Variants in SMC5 observed in about 807,000 individuals in gnomAD.
SMC5 encodes the protein structural maintenance of chromosomes protein 5.
In SMC5, 88 loss-of-function variants were observed where a neutral mutation model predicts 148.3. The ratio of observed to expected loss-of-function variants is 0.59; its 90% CI spans 0.50 to 0.71. The LOEUF (loss-of-function observed/expected upper bound fraction) is 0.71. Ranked by LOEUF, SMC5 falls within the 30% of genes least tolerant of loss-of-function variation. The pLI, the probability that SMC5 is intolerant of heterozygous loss-of-function variation, is 0.00. For missense variants in SMC5, 1,142 were observed against 1,298.9 expected, an observed-to-expected ratio of 0.88 and a Z score of 1.86; for synonymous variants, 421 against 432.8, an observed-to-expected ratio of 0.97 and a Z score of 0.34.
At chr9:70,329,727 T>G (rs1432704061) in intron 17 of SMC5, among the ~76,000 whole-genome samples, 5 of 152,210 alleles carry the variant, frequency 3.3e-5, no homozygotes, top group Non-Finnish European at 7.3e-5. Context: ...TTTTCAGTTA[T>G]CTTTATAGCA....
intron 15 of SMC5, among the ~76,000 whole-genome samples, chr9:70,322,892 C>T (rs911536516): frequency 6.6e-6 from 1 of 152,080 alleles, no homozygotes; most frequent in Non-Finnish European, 1.5e-5. Context: ...TTTAATTAAA[C>T]ACTACTCTCC....
chr9:70,267,401 T>C (rs2034318735), intron 2 of SMC5, among the ~76,000 whole-genome samples: 2 of 152,176 alleles, frequency 1.3e-5, no homozygotes, highest in African/African-American at 4.8e-5. Context: ...ATTATATTGC[T>C]CCTTTTAGAA....
rs1564026579 is a variant in SMC5, at chr9:70,278,557, G to T, written c.610G>T (p.Gly204Cys). ...ELLEATEKSI[G>C]PPEMHKYHCE... ...CCTCGAAGCCACTGAAAAGTCAATT[G>T]GTCCCCCAGAAATGCACAAATATCA... Residue 204 changes from glycine (G) to cysteine (C), a missense_variant, in exon 5 of 25, where the codon GGT (glycine) becomes TGT (cysteine). By Grantham distance (159) the Gly-to-Cys change is radical (BLOSUM62 -3). Around this residue, in one of 5 missense-constraint regions of SMC5, gnomAD observed 297 missense variants for 302.6 expected, o/e 0.98. Coordinates refer to ENST00000361138, the MANE Select transcript of SMC5 (RefSeq NM_015110.4). 1 of 1,611,614 alleles carries T rather than the reference G, an allele frequency of 6.2e-7. No homozygotes were observed. Among genetic ancestry groups the T allele is most frequent in the Admixed American group, 1.7e-5 (1 of 59,468 alleles).
chr9:70,286,144 T>G (rs967474735), intron 7 of SMC5, 56 bp from the exon 8 acceptor site: 6 of 1,063,140 alleles, frequency 5.6e-6, no homozygotes, highest in African/African-American at 3.1e-5. Context: ...CCATATAATT[T>G]GCTTGCATGA....
intron 9 of SMC5, among the ~76,000 whole-genome samples, chr9:70,299,655 C>T (rs1357527611): frequency 6.7e-6 from 1 of 150,146 alleles, no homozygotes; most frequent in Non-Finnish European, 1.5e-5. Flanking sequence ...CTTATTTCAT[C>T]ATCCCCCCCC....
At position 70,318,506 on chromosome 9, in the gene SMC5, C is replaced by T. The variant is rs1204142861; in HGVS notation, c.1807-8C>T. 11 of 1,562,490 alleles carry T rather than the reference C, an allele frequency of 7.0e-6. No homozygotes were observed. The highest frequency in any genetic ancestry group is 1.2e-5 in the South Asian group (1 of 81,740). On this transcript the variant is annotated splice_polypyrimidine_tract_variant and splice_region_variant and intron_variant, in intron 13 of 24. Coordinates refer to ENST00000361138, the MANE Select transcript of SMC5 (RefSeq NM_015110.4). ...TAGATGTGCACTAATAGTTGTTTTACGTTATAGGTAATACAAGAAACCCGA... is the reference window on the plus strand; with the variant it reads ...TAGATGTGCACTAATAGTTGTTTTATGTTATAGGTAATACAAGAAACCCGA...
intron 15 of SMC5, among the ~76,000 whole-genome samples, chr9:70,321,924 T>A (rs1340520624): frequency 6.6e-6 from 1 of 152,204 alleles, no homozygotes; most frequent in Non-Finnish European, 1.5e-5. Flanking sequence ...TTGTTCTGAC[T>A]TCTCGTCTAT....
chr9:70,286,346 C>G, intron 8 of SMC5, 75 bp downstream of exon 8: 2 of 908,362 alleles, frequency 2.2e-6, no homozygotes, highest in Non-Finnish European at 3.5e-6. Flanking sequence ...GATTATGAGA[C>G]AGATTCTTGT....
chr9:70,342,130 A>T (rs1050409862), intron 17 of SMC5, among the ~76,000 whole-genome samples: 8 of 151,542 alleles, frequency 5.3e-5, no homozygotes, highest in African/African-American at 1.7e-4. Context: ...TCAGTAATCT[A>T]TCACAAGGAC....
Position 70,305,333 on chromosome 9 carries a change from A to G in SMC5, c.1551A>G (p.Gln517=), listed in dbSNP as rs1240735828. 3 of 1,600,716 alleles carry G rather than the reference A, an allele frequency of 1.9e-6. No homozygotes were observed. The highest frequency in any genetic ancestry group is 2.7e-5 in the African/African-American group (2 of 74,440). ...TAAGAGCCTTTGTATTTGAAAGTCA[A>G]GAAGATATGGAGGTTTTCCTCAAAG... is the stretch of plus-strand genomic sequence containing the variant. ...NDLRAFVFES[Q]EDMEVFLKEV... The change falls in exon 11 of 25, where the codon CAA becomes CAG. Residue 517 remains glutamine, a synonymous_variant. Coordinates refer to ENST00000361138, the MANE Select transcript of SMC5 (RefSeq NM_015110.4).
Position 70,264,419 on chromosome 9 carries a change from C to G in SMC5, c.301C>G (p.Pro101Ala). ...CAICLGLAGK[P>A]AFMGRADKVG... ...CATTTGCCTTGGTTTAGCTGGAAAA[C>G]CTGCTTTCATGGGACGAGCAGATAA... The change falls in exon 2 of 25, where the codon CCT (proline) becomes GCT (alanine). Residue 101 changes from proline (P) to alanine (A), a missense_variant. Physicochemically the swap from Pro to Ala is conservative, Grantham distance 27 (BLOSUM62 -1). Coordinates refer to ENST00000361138, the MANE Select transcript of SMC5 (RefSeq NM_015110.4). 1.2e-6 allele frequency: 2 copies of G among 1,613,936 alleles called. No individual in the cohort carries two copies. The highest frequency in any genetic ancestry group is 1.7e-6 in the Non-Finnish European group (2 of 1,179,910).
intron 17 of SMC5, among the ~76,000 whole-genome samples, chr9:70,338,182 AT>A (rs993646145): frequency 7.9e-5 from 12 of 152,016 alleles, no homozygotes; most frequent in South Asian, 4.2e-4. Flanking sequence ...CACCTGGCTA[AT>A]TTTTTATTTG....
intron 11 of SMC5, chr9:70,311,187 A>G (rs1427654120): frequency 6.6e-6 from 1 of 152,098 alleles, no homozygotes; most frequent in Non-Finnish European, 1.5e-5. Flanking sequence ...CTTTATTTTT[A>G]GCTTTTGATT....
At chr9:70,288,498 C>T (rs1023641843) in intron 8 of SMC5, among the ~76,000 whole-genome samples, 3 of 151,638 alleles carry the variant, frequency 2.0e-5, no homozygotes, top group African/African-American at 7.3e-5. Flanking sequence ...TTTCTTAATT[C>T]ATTTTTCTGC....
chr9:70,347,743 T>C (rs769153575), intron 21 of SMC5, 26 bp downstream of exon 21: 2 of 1,387,724 alleles, frequency 1.4e-6, no homozygotes, highest in East Asian at 4.6e-5. Context: ...TTAATCTTTT[T>C]ATCATGTGAT....
At chr9:70,287,931 T>C (rs547251846) in intron 8 of SMC5, among the ~76,000 whole-genome samples, 110 of 152,346 alleles carry the variant, frequency 7.2e-4, no homozygotes, top group Non-Finnish European at 2.1e-4. Flanking sequence ...AATATACTGC[T>C]AAATTTGTTA....
Position 70,258,997 on chromosome 9 carries a change from C to T in SMC5, c.-82C>T, listed in dbSNP as rs2034001680. 3 of 1,440,698 alleles carry T rather than the reference C, an allele frequency of 2.1e-6. No homozygotes were observed. Among genetic ancestry groups the T allele is most frequent in the Admixed American group, 2.7e-5 (1 of 36,696 alleles). 89.2% of individuals were successfully genotyped at this position (1,440,698 alleles called of 1,614,324 possible). A position where few individuals can be genotyped will look rare whatever the true frequency, so the allele number is the denominator to read the frequency against. On this transcript the variant is annotated 5_prime_UTR_variant, in exon 1 of 25. Transcript: ENST00000361138. The stretch of plus-strand genomic sequence containing the variant: ...CGCGGCAGTTCGCGCGGGAGCGGGG[C>T]GCCTGGGTGGATGGGCGCTTGGGCG...
intron 10 of SMC5, 36 bp downstream of exon 10, chr9:70,300,236 T>C: frequency 6.4e-7 from 1 of 1,555,274 alleles, no homozygotes; most frequent in Non-Finnish European, 8.6e-7. Context: ...GTATTGGTTT[T>C]ATTATTGTAA....
intron 17 of SMC5, among the ~76,000 whole-genome samples, chr9:70,337,968 A>T (rs1462907076): frequency 1.3e-5 from 2 of 151,702 alleles, no homozygotes; most frequent in African/African-American, 4.8e-5. Context: ...GTTATGTATT[A>T]TTTTGATTAT....
Sources: gnomAD v4.1 joint callset for allele counts (sites outside exome capture counted in the v4.1 genomes callset) on GRCh38, gnomAD v4.1.1 for gene constraint, gnomAD v4.1.1 regional missense constraint, MANE v1.5 for transcripts, NCBI Gene and HGNC (gene_info 2026-07-23, HGNC 2026-07-21) for gene names.